Variants in SPAG16 observed in about 807,000 individuals in gnomAD.
The protein encoded by SPAG16 is sperm-associated antigen 16 protein.
In SPAG16, 86 loss-of-function variants were observed where a neutral mutation model predicts 80.4. That is an observed-to-expected ratio of 1.07 (90% CI 0.90 to 1.28). The LOEUF is 1.28. Among genes scored for constraint, SPAG16 ranks in the 50% most tolerant of loss-of-function variants. The probability of loss-of-function intolerance (pLI) is 0.00; values close to 1 mark genes in which losing one functional copy is unlikely to be tolerated. For missense variants in SPAG16, 870 were observed against 765.3 expected (o/e 1.14, Z -1.61); for synonymous variants, 294 against 265.9 (o/e 1.11, Z -1.03).
At chr2:214,323,418 C>A (rs1455305319) in intron 15 of SPAG16, among the ~76,000 whole-genome samples, 1 of 151,744 alleles carries the variant, frequency 6.6e-6, no homozygotes, top group Non-Finnish European at 1.5e-5. Flanking sequence ...ATATCCATAT[C>A]AAGTATTAGG....
At chr2:213,499,837 C>T (rs532456123) in intron 10 of SPAG16, among the ~76,000 whole-genome samples, 47 of 152,202 alleles carry the variant, frequency 3.1e-4, no homozygotes, top group African/African-American at 1.0e-3. Context: ...AGGTTTCTTA[C>T]TCTTGCTTGT....
intron 10 of SPAG16, among the ~76,000 whole-genome samples, chr2:213,667,370 G>A (rs1028300517): frequency 2.3e-4 from 35 of 152,134 alleles, no homozygotes; most frequent in African/African-American, 7.7e-4. Flanking sequence ...AATCCAAAGC[G>A]GGTTCTTGCA....
intron 15 of SPAG16, among the ~76,000 whole-genome samples, chr2:214,264,176 C>G (rs1177596774): frequency 6.6e-6 from 1 of 152,150 alleles, no homozygotes. Context: ...CCATACTCCT[C>G]CTAATAGGCA....
At chr2:213,610,939 G>A (rs189444880) in intron 10 of SPAG16, among the ~76,000 whole-genome samples, 3 of 152,220 alleles carry the variant, frequency 2.0e-5, no homozygotes, top group East Asian at 3.9e-4. Flanking sequence ...CCAAGTCTGG[G>A]TCTATTCAGT....
At chr2:214,170,324 T>G (rs766814836) in intron 15 of SPAG16, among the ~76,000 whole-genome samples, 4 of 151,640 alleles carry the variant, frequency 2.6e-5, no homozygotes, top group African/African-American at 4.8e-5. Context: ...TAAAATTAAT[T>G]AAATATATAT....
intron 9 of SPAG16, among the ~76,000 whole-genome samples, chr2:213,413,118 C>G (rs1270724492): frequency 6.6e-6 from 1 of 152,038 alleles, no homozygotes. Context: ...ATAAATGAGA[C>G]TATAAATGGT....
At chr2:214,005,038 T>G (rs1263776110) in intron 12 of SPAG16, among the ~76,000 whole-genome samples, 1 of 152,080 alleles carries the variant, frequency 6.6e-6, no homozygotes, top group Non-Finnish European at 1.5e-5. Flanking sequence ...TAATGTAAGA[T>G]GTAGGAAGTG....
intron 15 of SPAG16, among the ~76,000 whole-genome samples, chr2:214,282,624 C>G (rs570561301): frequency 1.3e-5 from 2 of 152,172 alleles, no homozygotes; most frequent in South Asian, 2.1e-4. Flanking sequence ...GAAATACCGT[C>G]TTTTAATTTT....
intron 10 of SPAG16, among the ~76,000 whole-genome samples, chr2:213,532,821 C>G (rs1030880753): frequency 6.6e-6 from 1 of 152,114 alleles, no homozygotes; most frequent in African/African-American, 2.4e-5. Context: ...AGTTTATTCT[C>G]TCAGTATTTC....
intron 7 of SPAG16, among the ~76,000 whole-genome samples, chr2:213,351,797 GCCCC>G (rs1444286281): frequency 6.6e-6 from 1 of 152,074 alleles, no homozygotes; most frequent in Non-Finnish European, 1.5e-5. Context: ...TTGTCTTGAT[GCCCC>G]TTGTGCTTGA....
intron 13 of SPAG16, among the ~76,000 whole-genome samples, chr2:214,015,657 C>T (rs548343857): frequency 6.6e-6 from 1 of 151,446 alleles, no homozygotes; most frequent in South Asian, 2.1e-4. Context: ...CTTAGGGAAG[C>T]AAGGCTAATG....
intron 15 of SPAG16, among the ~76,000 whole-genome samples, chr2:214,337,165 A>G (rs1398585664): frequency 6.6e-6 from 1 of 152,008 alleles, no homozygotes; most frequent in African/African-American, 2.4e-5. Flanking sequence ...TGCTGTGTCC[A>G]AACTAATTTT....
intron 12 of SPAG16, among the ~76,000 whole-genome samples, chr2:213,997,300 C>T (rs1247847711): frequency 1.3e-5 from 2 of 152,164 alleles, no homozygotes; most frequent in Non-Finnish European, 2.9e-5. Flanking sequence ...AAATTACATA[C>T]TGTTGGCCTT....
At chr2:213,363,831 C>A (rs561777476) in intron 7 of SPAG16, among the ~76,000 whole-genome samples, 3 of 151,536 alleles carry the variant, frequency 2.0e-5, no homozygotes, top group Non-Finnish European at 4.4e-5. Flanking sequence ...GAAACTATGC[C>A]GTGAAATAAA....
chr2:214,365,607 A>T (rs1039295721), intron 15 of SPAG16, among the ~76,000 whole-genome samples: 2 of 152,178 alleles, frequency 1.3e-5, no homozygotes, highest in Non-Finnish European at 2.9e-5. Flanking sequence ...GTTTCCCCAA[A>T]TTGATTAAAA....
At chr2:213,324,625 T>C (rs1182712411) in intron 5 of SPAG16, among the ~76,000 whole-genome samples, 2 of 152,186 alleles carry the variant, frequency 1.3e-5, no homozygotes, top group Non-Finnish European at 2.9e-5. Flanking sequence ...TGTTGTATAA[T>C]GTATACTACA....
chr2:213,891,391 A>C (rs1405717241), intron 11 of SPAG16, among the ~76,000 whole-genome samples: 1 of 152,128 alleles, frequency 6.6e-6, no homozygotes, highest in East Asian at 1.9e-4. Context: ...AGAGATACCA[A>C]CCATAATACC....
At chr2:213,932,186 A>G (rs1224414478) in intron 12 of SPAG16, among the ~76,000 whole-genome samples, 2 of 19,056 alleles carry the variant, frequency 1.0e-4, no homozygotes, top group Non-Finnish European at 2.2e-4. Context: ...ATATATATAT[A>G]TATATATATA....
At position 213,832,198 on chromosome 2, in the gene SPAG16, A is replaced by T. The variant is rs1400034566; in HGVS notation, c.1071-30287A>T. Among the ~76,000 whole-genome samples, 4 of 151,644 alleles carry T rather than the reference A, an allele frequency of 2.6e-5. No homozygotes were observed. The East Asian group carries it at 7.8e-4, about 30-fold the overall frequency. ...TTTTTAGTAGAGATGGGGTTTCATC[A>T]TCTTGGCCAGGCTGATCTTGAACTC... On this transcript the variant is annotated intron_variant, in intron 10 of 15. Coordinates refer to ENST00000331683, the MANE Select transcript of SPAG16 (RefSeq NM_024532.5).
Sources: allele counts gnomAD v4.1 joint callset (sites outside exome capture counted in the v4.1 genomes callset), GRCh38; gene constraint gnomAD v4.1.1; transcripts MANE v1.5; gene names NCBI Gene and HGNC (gene_info 2026-07-23, HGNC 2026-07-21).